The following PLEKHG1 variants were observed in gnomAD, a reference collection of about 807,000 sequenced individuals.
The protein encoded by PLEKHG1 is pleckstrin homology and RhoGEF domain containing G1.
A neutral mutation model predicts 100.8 loss-of-function variants in PLEKHG1; 44 were observed. The observed-to-expected ratio is 0.44, with a 90% CI of 0.34 to 0.56. The LOEUF is 0.56. Among genes scored for constraint, PLEKHG1 ranks in the 20% least tolerant of loss-of-function variants. The pLI is 0.01. For missense variants in PLEKHG1, 1,545 were observed against 1,720.9 expected, an observed-to-expected ratio of 0.90 and a Z score of 1.81; for synonymous variants, 640 against 662.5, an observed-to-expected ratio of 0.97 and a Z score of 0.52.
chr6:150,603,098 A>T (rs1421762966), intron 1 of PLEKHG1, among the ~76,000 whole-genome samples: 3 of 150,862 alleles, frequency 2.0e-5, no homozygotes, highest in African/African-American at 7.3e-5. Flanking sequence ...AAAAAATAAA[A>T]AAAAAGAAAA....
exon 16 of PLEKHG1, chr6:150,840,564 G>A: frequency 6.2e-7 from 1 of 1,614,180 alleles, no homozygotes; most frequent in Non-Finnish European, 8.5e-7. Context: ...GACTGATGGA[G>A]ATGAAGATGA....
intron 1 of PLEKHG1, among the ~76,000 whole-genome samples, chr6:150,608,641 C>T (rs746930671): frequency 2.0e-5 from 3 of 152,128 alleles, no homozygotes; most frequent in East Asian, 3.9e-4. Context: ...ATGCATAATA[C>T]AGACAGCAAT....
chr6:150,807,410 C>T (rs1479642810), intron 7 of PLEKHG1, among the ~76,000 whole-genome samples: 2 of 152,156 alleles, frequency 1.3e-5, no homozygotes, highest in Admixed American at 1.3e-4. Flanking sequence ...CTGGCTCAAA[C>T]TAATACTCCA....
chr6:150,819,693 T>G, exon 12 of PLEKHG1: 1 of 1,608,448 alleles, frequency 6.2e-7, no homozygotes, highest in Non-Finnish European at 8.5e-7. Flanking sequence ...TCCAGGCTTC[T>G]GTTACAGTCC....
chr6:150,724,010 CTCA>C (rs1371510220), intron 1 of PLEKHG1, among the ~76,000 whole-genome samples: 1 of 152,196 alleles, frequency 6.6e-6, no homozygotes, highest in Non-Finnish European at 1.5e-5. Context: ...TCACTGCGGT[CTCA>C]TCATGTGGTT....
intron 6 of PLEKHG1, among the ~76,000 whole-genome samples, chr6:150,803,975 T>C (rs553582729): frequency 1.3e-5 from 2 of 150,850 alleles, no homozygotes; most frequent in Admixed American, 6.6e-5. Flanking sequence ...ATAATAACTA[T>C]AATATCGCTA....
Position 150,836,435 on chromosome 6 carries a change from A to AG in PLEKHG1, c.3095-3398_3095-3397insG, listed in dbSNP as rs367628221. Among the ~76,000 whole-genome samples the AG allele has an allele frequency of 2.7e-3, 404 of 152,198 alleles. 2 individuals are homozygous for AG. Among genetic ancestry groups the AG allele is most frequent in the Middle Eastern group, 0.01 (3 of 294 alleles). Reference sequence around the variant, plus strand: ...GGAGTGAAAAAAATTCTGAGTAATGAATTAGTTATTGAGACCACTTTCTGT... The same window carrying AG: ...GGAGTGAAAAAAATTCTGAGTAATGAGATTAGTTATTGAGACCACTTTCTGT... On this transcript the variant is annotated intron_variant, in intron 15 of 15. Coordinates refer to ENST00000358517, the Ensembl canonical transcript of PLEKHG1.
chr6:150,717,373 G>A (rs1367470307), upstream of PLEKHG1, among the ~76,000 whole-genome samples: 1 of 151,604 alleles, frequency 6.6e-6, no homozygotes, highest in East Asian at 1.9e-4. Flanking sequence ...ATGGAGTCTC[G>A]TTAAGTTGCT....
chr6:150,840,875 C>T, exon 16 of PLEKHG1: 1 of 1,610,426 alleles, frequency 6.2e-7, no homozygotes, highest in Non-Finnish European at 8.5e-7. Flanking sequence ...TTCAGTGTCT[C>T]AGTTCAAGCA....
chr6:150,821,164 C>T (rs779427758), intron 12 of PLEKHG1, 31 bp from the exon 14 acceptor site: 1 of 1,600,140 alleles, frequency 6.2e-7, no homozygotes, highest in Admixed American at 1.7e-5. Context: ...TTTGGTTTTG[C>T]CAATGATGCT....
chr6:150,754,794 A>G (rs780783516), intron 2 of PLEKHG1, among the ~76,000 whole-genome samples: 8 of 151,610 alleles, frequency 5.3e-5, no homozygotes, highest in African/African-American at 1.5e-4. Flanking sequence ...TCAGCCTCCA[A>G]TGTAGCTGGG....
At chr6:150,819,383 G>A (rs1408356629) in intron 11 of PLEKHG1, among the ~76,000 whole-genome samples, 1 of 151,956 alleles carries the variant, frequency 6.6e-6, no homozygotes, top group Non-Finnish European at 1.5e-5. Flanking sequence ...TGGCCAACAT[G>A]TTGAAACCCC....
chr6:150,835,918 T>C (rs1312244769), intron 15 of PLEKHG1, among the ~76,000 whole-genome samples: 1 of 152,210 alleles, frequency 6.6e-6, no homozygotes, highest in Admixed American at 6.5e-5. Flanking sequence ...AATGGTCAAC[T>C]CTATCATCCA....
chr6:150,643,279 G>T (rs941692072), intron 2 of PLEKHG1, among the ~76,000 whole-genome samples: 2 of 152,168 alleles, frequency 1.3e-5, no homozygotes, highest in Non-Finnish European at 2.9e-5. Flanking sequence ...CTGTTTGTCT[G>T]CTTTTAGTTT....
intron 2 of PLEKHG1, among the ~76,000 whole-genome samples, chr6:150,754,691 C>T (rs1466963242): frequency 2.8e-5 from 4 of 140,468 alleles, no homozygotes; most frequent in Non-Finnish European, 4.6e-5. Context: ...TTTTTGAGAT[C>T]GAGTTTCACT....
chr6:150,611,811 C>CA (rs35351890), intron 1 of PLEKHG1, among the ~76,000 whole-genome samples: 3,980 of 121,448 alleles, frequency 0.033, 97 homozygotes, highest in African/African-American at 0.059. Context: ...GACTCCATCT[C>CA]AAAAAAAAAA....
chr6:150,716,375 C>T (rs1044647925), upstream of PLEKHG1, among the ~76,000 whole-genome samples: 2 of 152,218 alleles, frequency 1.3e-5, no homozygotes. Flanking sequence ...CTTCTCACTT[C>T]TAGCACCTTT....
At chr6:150,838,231 A>G (rs1353866173) in intron 15 of PLEKHG1, among the ~76,000 whole-genome samples, 1 of 152,244 alleles carries the variant, frequency 6.6e-6, no homozygotes, top group Non-Finnish European at 1.5e-5. Flanking sequence ...GTTGTCATAT[A>G]TAGGATACAT....
chr6:150,745,930 G>C (rs147216348), intron 2 of PLEKHG1, among the ~76,000 whole-genome samples: 1 of 152,134 alleles, frequency 6.6e-6, no homozygotes, highest in Admixed American at 6.6e-5. Context: ...GGAAGCAAGA[G>C]AGGGAGAAAA....
Sources: gnomAD v4.1 joint callset for allele counts (sites outside exome capture counted in the v4.1 genomes callset) on GRCh38, gnomAD v4.1.1 for gene constraint, MANE v1.5 for transcripts, NCBI Gene and HGNC (gene_info 2026-07-23, HGNC 2026-07-21) for gene names.